Variants in PPP6C observed in about 807,000 individuals in gnomAD.
PPP6C encodes the protein serine/threonine-protein phosphatase 6 catalytic subunit.
A neutral mutation model predicts 39.8 loss-of-function variants in PPP6C; 11 were observed. That is an observed-to-expected ratio of 0.28 (90% CI 0.17 to 0.46). The LOEUF (loss-of-function observed/expected upper bound fraction) is 0.46, where lower values mean the gene tolerates loss of function less well. Ranked by LOEUF, PPP6C falls within the 20% of genes least tolerant of loss-of-function variation. The pLI is 1.00. For synonymous variants in PPP6C, 129 were observed against 130.3 expected (o/e 0.99, Z 0.07); for missense variants, 211 against 373.9 (o/e 0.56, Z 3.59).
chr9:125,162,095 A>G (rs1349666452), intron 2 of PPP6C, among the ~76,000 whole-genome samples: 1 of 152,074 alleles, frequency 6.6e-6, no homozygotes, highest in Non-Finnish European at 1.5e-5. Flanking sequence ...TCAGACAAAA[A>G]AAAAAAAACA....
At chr9:125,150,806 C>G (rs141054339) in intron 6 of PPP6C, 4 of 737,218 alleles carry the variant, frequency 5.4e-6, no homozygotes, top group Non-Finnish European at 1.0e-5. Flanking sequence ...GAAAGGATGT[C>G]TACATCATTC....
At chr9:125,172,325 T>C (rs1367471946) in intron 1 of PPP6C, among the ~76,000 whole-genome samples, 1 of 152,108 alleles carries the variant, frequency 6.6e-6, no homozygotes, top group Non-Finnish European at 1.5e-5. Context: ...AGTGATTCCC[T>C]TGCCTCAGTC....
intron 1 of PPP6C, among the ~76,000 whole-genome samples, chr9:125,171,468 CACACACACACATATATAT>C (rs1361521258): frequency 1.7e-4 from 12 of 71,536 alleles, no homozygotes; most frequent in African/African-American, 6.2e-4. Flanking sequence ...TATACACACA[CACACACACACATATATAT>C]ATATATATAT....
At chr9:125,154,256 T>C (rs1360517478) in intron 4 of PPP6C, among the ~76,000 whole-genome samples, 2 of 152,270 alleles carry the variant, frequency 1.3e-5, no homozygotes, top group Non-Finnish European at 2.9e-5. Context: ...CATCATCGGA[T>C]GTCCTTACAT....
intron 6 of PPP6C, 123 bp downstream of exon 6, chr9:125,153,410 A>T: frequency 1.1e-6 from 1 of 882,112 alleles, no homozygotes; most frequent in Non-Finnish European, 1.7e-6. Context: ...CTAGAAATTT[A>T]ATATCCACAG....
intron 6 of PPP6C, chr9:125,150,805 T>G: frequency 1.4e-6 from 1 of 735,130 alleles, no homozygotes. Context: ...GGAAAGGATG[T>G]CTACATCATT....
At chr9:125,173,640 A>C (rs1314615487) in intron 1 of PPP6C, among the ~76,000 whole-genome samples, 1 of 151,776 alleles carries the variant, frequency 6.6e-6, no homozygotes, top group Non-Finnish European at 1.5e-5. Context: ...TTTTTTTGAG[A>C]CAGAATCTCG....
chr9:125,173,574 T>C (rs1564155136), intron 1 of PPP6C, among the ~76,000 whole-genome samples: 2 of 151,762 alleles, frequency 1.3e-5, no homozygotes, highest in South Asian at 4.2e-4. Flanking sequence ...TGAGACTCTT[T>C]CTCAAAACAA....
intron 1 of PPP6C, among the ~76,000 whole-genome samples, chr9:125,182,118 C>T (rs572409723): frequency 6.6e-6 from 1 of 152,176 alleles, no homozygotes; most frequent in Non-Finnish European, 1.5e-5. Flanking sequence ...GGGTTCATAG[C>T]CATCATTCTT....
At chr9:125,155,778 G>A (rs184899238) in intron 4 of PPP6C, among the ~76,000 whole-genome samples, 99 of 151,920 alleles carry the variant, frequency 6.5e-4, no homozygotes, top group Admixed American at 3.2e-3. Context: ...GGTGGCGGGC[G>A]CCTGTAGTCC....
chr9:125,164,160 A>G (rs1828958573), intron 2 of PPP6C, among the ~76,000 whole-genome samples: 1 of 148,684 alleles, frequency 6.7e-6, no homozygotes, highest in Admixed American at 6.7e-5. Flanking sequence ...ACATTACTAG[A>G]CACCTACCTC....
chr9:125,171,476 C>CATATAT lies in PPP6C; in HGVS notation c.76-297_76-296insATATAT, dbSNP rs1171225348. Among the ~76,000 whole-genome samples the CATATAT allele has an allele frequency of 7.6e-3, 431 of 56,964 alleles. 3 individuals are homozygous for CATATAT. Among genetic ancestry groups the CATATAT allele is most frequent in the East Asian group, 0.012 (19 of 1,606 alleles). The allele number at this position is 56,964 out of a possible 152,430, so 37.4% of individuals were successfully genotyped here. A position where few individuals can be genotyped will look rare whatever the true frequency, so the allele number is the denominator to read the frequency against. ...ACACACATATACACACACACACACA[C>CATATAT]ACATATATATATATATATATATATA... On this transcript the variant is annotated intron_variant, in intron 1 of 6. Coordinates refer to ENST00000373547, the MANE Select transcript of PPP6C (RefSeq NM_002721.5).
chr9:125,176,272 A>C (rs947357706), intron 1 of PPP6C, among the ~76,000 whole-genome samples: 1 of 152,194 alleles, frequency 6.6e-6, no homozygotes, highest in African/African-American at 2.4e-5. Context: ...ACTGGTGGTG[A>C]AAATAAGGAC....
rs977223135 is a variant in PPP6C, at chr9:125,162,457, CAAA to C, written c.172-1554_172-1552del. Reference sequence around the variant, plus strand: ...TGGGCAACAGAGCAAGATTCTGTCTCAAAAAAAAAAAAAAAAAAAAAAAAAAGT... The same window carrying C: ...TGGGCAACAGAGCAAGATTCTGTCTCAAAAAAAAAAAAAAAAAAAAAAAGT... On this transcript the variant is annotated intron_variant, in intron 2 of 6. Transcript: ENST00000373547. Among the ~76,000 whole-genome samples the C allele has an allele frequency of 1.7e-3, 120 of 70,966 alleles. 1 individual carries two copies. The highest frequency in any genetic ancestry group is 7.0e-3 in the African/African-American group (104 of 14,880). 46.6% of individuals were successfully genotyped at this position (70,966 alleles called of 152,430 possible).
At chr9:125,152,017 T>C (rs1835959575) in intron 6 of PPP6C, among the ~76,000 whole-genome samples, 1 of 151,260 alleles carries the variant, frequency 6.6e-6, no homozygotes, top group Non-Finnish European at 1.5e-5. Context: ...TGCTAAATTA[T>C]GGCAAGAGCC....
Position 125,153,719 on chromosome 9 carries a change from A to G in PPP6C, c.483T>C (p.Cys161=). The stretch of plus-strand genomic sequence containing the variant: ...TATCAGGAGATAAACCACCATGGAC[A>G]CACAAAATCTGCTCATCTATTAACT... The part of the protein sequence containing the change: ...VAALIDEQIL[C]VHGGLSPDIK... The change falls in exon 6 of 7, where the codon TGT becomes TGC. Residue 161 remains cysteine, a synonymous_variant. Transcript: ENST00000373547. 6.2e-7 allele frequency: 1 copy of G among 1,613,964 alleles called. No individual in the cohort carries two copies. Among genetic ancestry groups the G allele is most frequent in the South Asian group, 1.1e-5 (1 of 91,082 alleles).
At chr9:125,181,082 A>G (rs771253430) in intron 1 of PPP6C, among the ~76,000 whole-genome samples, 4 of 152,188 alleles carry the variant, frequency 2.6e-5, no homozygotes, top group Non-Finnish European at 5.9e-5. Flanking sequence ...CTAGTTTGGC[A>G]GTAGCTTACA....
At position 125,149,594 on chromosome 9, in the gene PPP6C, A is replaced by C. The variant is rs1835888727; in HGVS notation, c.*79T>G. 2 of 1,431,410 alleles carry C rather than the reference A, an allele frequency of 1.4e-6. No homozygotes were observed. Among genetic ancestry groups the C allele is most frequent in the Non-Finnish European group, 1.9e-6 (2 of 1,067,894 alleles). 88.7% of individuals were successfully genotyped at this position (1,431,410 alleles called of 1,614,324 possible). On this transcript the variant is annotated 3_prime_UTR_variant, in exon 7 of 7. Transcript: ENST00000373547. ...TTCAGCAGCAAAGTGCTCAATAAAA[A>C]GTATATTGTAGAGGGTAATACAAGA...
At chr9:125,162,583 C>A (rs1828906809) in intron 2 of PPP6C, among the ~76,000 whole-genome samples, 1 of 151,150 alleles carries the variant, frequency 6.6e-6, no homozygotes, top group Admixed American at 6.6e-5. Context: ...ACCAGACTGG[C>A]CAACATGGTG....
Sources: gnomAD v4.1 joint callset for allele counts (sites outside exome capture counted in the v4.1 genomes callset) on GRCh38, gnomAD v4.1.1 for gene constraint, MANE v1.5 for transcripts, NCBI Gene and HGNC (gene_info 2026-07-23, HGNC 2026-07-21) for gene names.